MARCHF1: variants seen among roughly 807,000 people sequenced by gnomAD.
MARCHF1 encodes the protein E3 ubiquitin-protein ligase MARCHF1.
In MARCHF1, 40 loss-of-function variants were observed where a neutral mutation model predicts 54.2. The observed-to-expected ratio is 0.74, with a 90% CI of 0.57 to 0.96. The LOEUF is 0.96. Ranked by LOEUF, MARCHF1 falls within the 40% of genes least tolerant of loss-of-function variation. The pLI is 0.00. For missense variants in MARCHF1, 586 were observed against 656.5 expected (o/e 0.89, Z 1.17); for synonymous variants, 236 against 236.3 (o/e 1.00, Z 0.01).
intron 4 of MARCHF1, among the ~76,000 whole-genome samples, chr4:163,839,294 GA>G (rs1382583744): frequency 6.6e-6 from 1 of 151,908 alleles, no homozygotes; most frequent in Non-Finnish European, 1.5e-5. Flanking sequence ...ATCCACTGTG[GA>G]AAACATTTTT....
intron 4 of MARCHF1, among the ~76,000 whole-genome samples, chr4:163,751,701 G>A (rs905914556): frequency 6.6e-6 from 1 of 152,078 alleles, no homozygotes; most frequent in Non-Finnish European, 1.5e-5. Flanking sequence ...ACAGAGAAAT[G>A]CACTTAACAT....
At chr4:164,052,258 CACGCCTGT>C (rs1754387851) in intron 2 of MARCHF1, among the ~76,000 whole-genome samples, 1 of 57,610 alleles carries the variant, frequency 1.7e-5, no homozygotes, top group African/African-American at 5.1e-5. Context: ...CATAGTGGCT[CACGCCTGT>C]AATCCTGTAA....
intron 2 of MARCHF1, among the ~76,000 whole-genome samples, chr4:164,076,189 A>G (rs1754976485): frequency 6.6e-6 from 1 of 151,638 alleles, no homozygotes; most frequent in Admixed American, 6.6e-5. Context: ...CCCATAAGAG[A>G]AAACAAACAA....
intron 3 of MARCHF1, among the ~76,000 whole-genome samples, chr4:163,889,222 T>C (rs1750602631): frequency 6.6e-6 from 1 of 152,224 alleles, no homozygotes; most frequent in Non-Finnish European, 1.5e-5. Flanking sequence ...CGCCAGGCAC[T>C]GTATTAGGTA....
At chr4:163,773,846 C>T (rs1274510285) in intron 4 of MARCHF1, among the ~76,000 whole-genome samples, 4 of 151,996 alleles carry the variant, frequency 2.6e-5, no homozygotes, top group Non-Finnish European at 4.4e-5. Flanking sequence ...ATATCTGTTT[C>T]CCTTAAGATA....
At chr4:164,165,638 G>A (rs142172014) in intron 1 of MARCHF1, among the ~76,000 whole-genome samples, 1 of 151,906 alleles carries the variant, frequency 6.6e-6, no homozygotes, top group African/African-American at 2.4e-5. Flanking sequence ...GCCTGGTGAA[G>A]GTAGATTACA....
chr4:164,006,362 A>T (rs574476152), intron 2 of MARCHF1, among the ~76,000 whole-genome samples: 44 of 152,286 alleles, frequency 2.9e-4, no homozygotes, highest in African/African-American at 8.7e-4. Context: ...AGTAGAGTGG[A>T]CAAGGAGAGA....
At chr4:164,105,271 A>T (rs1755665856) in intron 2 of MARCHF1, among the ~76,000 whole-genome samples, 1 of 105,338 alleles carries the variant, frequency 9.5e-6, no homozygotes, top group Non-Finnish European at 2.1e-5. Context: ...ACTACTTTAA[A>T]GTTCATATGG....
chr4:164,289,882 A>G (rs1406183514), intron 1 of MARCHF1, among the ~76,000 whole-genome samples: 2 of 152,000 alleles, frequency 1.3e-5, no homozygotes, highest in Non-Finnish European at 2.9e-5. Flanking sequence ...TTCAAGCTTC[A>G]TCTCTACCAC....
Position 164,363,766 on chromosome 4 carries a change from C to CGTGTGTGTGTGTGTGTGTGT in MARCHF1, c.-323+20103_-323+20104insACACACACACACACACACAC, listed in dbSNP as rs113007142. On this transcript the variant is annotated intron_variant, in intron 1 of 9. Transcript: ENST00000514618. ...ATTTAACATTACATTATTAATAAGC[C>CGTGTGTGTGTGTGTGTGTGT]GTGTGTGTGTGTGTGTGTCTGTGTT... is the stretch of plus-strand genomic sequence containing the variant. 9.7e-3 allele frequency among the ~76,000 whole-genome samples: 1,464 copies of CGTGTGTGTGTGTGTGTGTGT among 150,188 alleles called. 48 individuals carry two copies. The East Asian group carries it at 0.11, about 11-fold the overall frequency.
chr4:164,211,389 C>T (rs541063917), intron 1 of MARCHF1, among the ~76,000 whole-genome samples: 90 of 146,272 alleles, frequency 6.2e-4, no homozygotes, highest in African/African-American at 1.9e-3. Flanking sequence ...TATATATATA[C>T]ACACACACAT....
chr4:163,949,231 G>A (rs530901097), intron 3 of MARCHF1, among the ~76,000 whole-genome samples: 1 of 152,344 alleles, frequency 6.6e-6, no homozygotes, highest in South Asian at 2.1e-4. Context: ...GGGGCAGGCA[G>A]CTCCAAGTGC....
chr4:163,817,220 G>T (rs1372787714), intron 4 of MARCHF1, among the ~76,000 whole-genome samples: 1 of 151,762 alleles, frequency 6.6e-6, no homozygotes, highest in Non-Finnish European at 1.5e-5. Context: ...TTTTACCACT[G>T]CTTGTTTTGG....
intron 3 of MARCHF1, among the ~76,000 whole-genome samples, chr4:163,864,013 C>A (rs551523278): frequency 6.6e-6 from 1 of 152,004 alleles, no homozygotes; most frequent in African/African-American, 2.4e-5. Context: ...CAAGTCTATA[C>A]TGATATAATG....
At chr4:164,041,750 C>T (rs1754133787) in intron 2 of MARCHF1, among the ~76,000 whole-genome samples, 2 of 152,018 alleles carry the variant, frequency 1.3e-5, no homozygotes, top group African/African-American at 4.8e-5. Context: ...CAGGTAGGGC[C>T]CAGAAATCTG....
intron 4 of MARCHF1, among the ~76,000 whole-genome samples, chr4:163,779,236 T>C (rs1432217868): frequency 6.6e-6 from 1 of 152,194 alleles, no homozygotes; most frequent in Non-Finnish European, 1.5e-5. Flanking sequence ...CTTAGCTAAT[T>C]TGAATGATAT....
intron 4 of MARCHF1, among the ~76,000 whole-genome samples, chr4:163,747,679 A>T (rs1282586276): frequency 6.6e-6 from 1 of 152,222 alleles, no homozygotes; most frequent in East Asian, 1.9e-4. Context: ...ACAATATAAC[A>T]ACTGAAATTT....
chr4:163,598,076 T>A (rs1450163262), intron 7 of MARCHF1, among the ~76,000 whole-genome samples: 1 of 152,208 alleles, frequency 6.6e-6, no homozygotes, highest in Non-Finnish European at 1.5e-5. Context: ...ATGGTATACA[T>A]CTATACTCTA....
intron 7 of MARCHF1, among the ~76,000 whole-genome samples, chr4:163,590,255 TAA>T (rs371898817): frequency 0.014 from 1,807 of 129,704 alleles, 34 homozygotes; most frequent in South Asian, 0.045. Context: ...AACTCATCAC[TAA>T]AAAAAAAAAA....
Sources: allele counts gnomAD v4.1 joint callset (sites outside exome capture counted in the v4.1 genomes callset), GRCh38; gene constraint gnomAD v4.1.1; transcripts MANE v1.5; gene names NCBI Gene and HGNC (gene_info 2026-07-23, HGNC 2026-07-21).